ZNF385D: variants seen among roughly 807,000 people sequenced by gnomAD.
ZNF385D encodes zinc finger protein 385D.
In ZNF385D, 15 loss-of-function variants were observed where a neutral mutation model predicts 35.8. That is an observed-to-expected ratio of 0.42 (90% CI 0.28 to 0.64). ZNF385D has a LOEUF of 0.64. Ranked by LOEUF, ZNF385D falls within the 30% of genes least tolerant of loss-of-function variation. The pLI, the probability that ZNF385D is intolerant of heterozygous loss-of-function variation, is 0.23. For synonymous variants in ZNF385D, 212 were observed against 186.8 expected, an observed-to-expected ratio of 1.13 and a Z score of -1.10; for missense variants, 474 against 494.6, an observed-to-expected ratio of 0.96 and a Z score of 0.39.
chr3:21,766,499 C>A (rs1479031512), intron 3 of ZNF385D, among the ~76,000 whole-genome samples: 1 of 152,046 alleles, frequency 6.6e-6, no homozygotes, highest in Non-Finnish European at 1.5e-5. Flanking sequence ...TACGATCATG[C>A]CATAGCAATG....
At position 21,857,082 on chromosome 3, in the gene ZNF385D, C is replaced by T. The variant is rs146455885; in HGVS notation, c.326-192054G>A. 7.5e-3 allele frequency among the ~76,000 whole-genome samples: 1,133 copies of T among 152,046 alleles called. 14 individuals carry two copies. The highest frequency in any genetic ancestry group is 0.026 in the African/African-American group (1,059 of 41,480). ...CTTTCTCATTTAGGCCTTTCCTCACCGCAGTATTTAAAACTGTAGTAACCT... is the reference window on the plus strand; with the variant it reads ...CTTTCTCATTTAGGCCTTTCCTCACTGCAGTATTTAAAACTGTAGTAACCT... On this transcript the variant is annotated intron_variant, in intron 3 of 5. Transcript: ENST00000494108.
intron 3 of ZNF385D, among the ~76,000 whole-genome samples, chr3:21,968,290 G>C (rs1340513080): frequency 6.6e-6 from 1 of 152,152 alleles, no homozygotes; most frequent in East Asian, 1.9e-4. Context: ...TCCACCATGG[G>C]CTAAAGGGCT....
chr3:22,312,406 A>G (rs1221051282), intron 2 of ZNF385D, among the ~76,000 whole-genome samples: 1 of 152,138 alleles, frequency 6.6e-6, no homozygotes, highest in East Asian at 1.9e-4. Flanking sequence ...TAGATATAAC[A>G]TTTTTAGTAC....
intron 2 of ZNF385D, among the ~76,000 whole-genome samples, chr3:22,187,846 T>A (rs752070551): frequency 4.6e-5 from 7 of 152,184 alleles, no homozygotes; most frequent in Non-Finnish European, 1.0e-4. Context: ...ACTGAGAGAC[T>A]ATCTTTCCCA....
intron 2 of ZNF385D, among the ~76,000 whole-genome samples, chr3:22,172,753 T>C (rs1694549678): frequency 6.6e-6 from 1 of 152,316 alleles, no homozygotes; most frequent in African/African-American, 2.4e-5. Context: ...AAAGTATAAA[T>C]TTCAATGAGT....
intron 2 of ZNF385D, among the ~76,000 whole-genome samples, chr3:22,329,077 A>C (rs1694813713): frequency 5.1e-5 from 2 of 39,028 alleles, no homozygotes; most frequent in African/African-American, 1.9e-4. Flanking sequence ...ACTCCGTCTC[A>C]AAAAAAAAAA....
Position 21,751,045 on chromosome 3 carries a change from C to G in ZNF385D, c.-129G>C. The G allele has an allele frequency of 1.3e-6, 2 of 1,557,218 alleles. No individual in the cohort carries two copies. The highest frequency in any genetic ancestry group is 1.7e-6 in the Non-Finnish European group (2 of 1,151,516). On this transcript the variant is annotated 5_prime_UTR_variant, in exon 1 of 8. Coordinates refer to ENST00000281523, the MANE Select transcript of ZNF385D (RefSeq NM_024697.3). ...CCCCGGCGTGGAGAGCAGTGAGCGC[C>G]GAGAGCGTGCCTCCTCCGCGGGATG... is the stretch of plus-strand genomic sequence containing the variant.
chr3:21,807,690 A>G (rs918313528), intron 3 of ZNF385D, among the ~76,000 whole-genome samples: 1 of 152,144 alleles, frequency 6.6e-6, no homozygotes, highest in Admixed American at 6.5e-5. Context: ...AATGTTTCTT[A>G]GAAACTTTGT....
At chr3:22,131,715 T>C (rs62248880) in intron 3 of ZNF385D, among the ~76,000 whole-genome samples, 29,391 of 152,088 alleles carry the variant, frequency 0.19, 3,149 homozygotes, top group Non-Finnish European at 0.25. Context: ...GCTAGGGAGA[T>C]ATCACAGAGG....
At chr3:21,444,698 T>C (rs1472143379) in intron 4 of ZNF385D, among the ~76,000 whole-genome samples, 2 of 152,194 alleles carry the variant, frequency 1.3e-5, no homozygotes, top group African/African-American at 4.8e-5. Context: ...AATTTCCCTA[T>C]TGATGCCAAA....
chr3:21,558,106 C>T (rs945838118), intron 3 of ZNF385D, among the ~76,000 whole-genome samples: 4 of 138,332 alleles, frequency 2.9e-5, no homozygotes, highest in African/African-American at 8.3e-5. Flanking sequence ...CTCCTGGATT[C>T]ATTGATTTTT....
chr3:21,677,088 G>A (rs868077391), intron 1 of ZNF385D, among the ~76,000 whole-genome samples: 20 of 152,102 alleles, frequency 1.3e-4, no homozygotes, highest in African/African-American at 3.4e-4. Context: ...GAAAGACATC[G>A]TAAAATAGTG....
chr3:21,805,886 G>A (rs908442788), intron 3 of ZNF385D, among the ~76,000 whole-genome samples: 1 of 152,128 alleles, frequency 6.6e-6, no homozygotes, highest in Non-Finnish European at 1.5e-5. Context: ...TTAGCACTTG[G>A]CCAAAATGAC....
upstream of ZNF385D, among the ~76,000 whole-genome samples, chr3:21,756,127 G>A (rs990938601): frequency 3.9e-5 from 6 of 152,160 alleles, no homozygotes; most frequent in Admixed American, 2.0e-4. Context: ...TGACTAAAGC[G>A]AGCAAGGACA....
At chr3:21,729,953 A>G (rs2068921784) in intron 1 of ZNF385D, among the ~76,000 whole-genome samples, 1 of 152,170 alleles carries the variant, frequency 6.6e-6, no homozygotes, top group African/African-American at 2.4e-5. Flanking sequence ...CCATTTATTC[A>G]TTCTTCCTTC....
intron 3 of ZNF385D, among the ~76,000 whole-genome samples, chr3:21,563,799 T>C (rs1424652998): frequency 6.6e-6 from 1 of 152,198 alleles, no homozygotes; most frequent in Non-Finnish European, 1.5e-5. Flanking sequence ...CTGTCTCTTC[T>C]GGAACTCTTA....
rs146056394 is a variant in ZNF385D at position 22,148,786 on chromosome 3, C to A, written c.325+20031G>T. Reference sequence around the variant, plus strand: ...AAGTTAGGTAATTAATGGAAAATGACCTTAAAACTTTAAGAATTTATGACT... The same window carrying A: ...AAGTTAGGTAATTAATGGAAAATGAACTTAAAACTTTAAGAATTTATGACT... On this transcript the variant is annotated intron_variant, in intron 3 of 5. Transcript: ENST00000494108. Among the ~76,000 whole-genome samples the A allele has an allele frequency of 5.5e-4, 83 of 152,180 alleles. 1 individual carries two copies. Among genetic ancestry groups the A allele is most frequent in the African/African-American group, 1.9e-3 (78 of 41,530 alleles).
At chr3:21,989,038 C>T (rs988308235) in intron 3 of ZNF385D, among the ~76,000 whole-genome samples, 3 of 152,082 alleles carry the variant, frequency 2.0e-5, no homozygotes, top group Non-Finnish European at 2.9e-5. Context: ...CACCCACTGG[C>T]CTGTGCCCAC....
intron 7 of ZNF385D, among the ~76,000 whole-genome samples, chr3:21,423,153 A>C (rs1700823859): frequency 6.6e-6 from 1 of 152,024 alleles, no homozygotes; most frequent in African/African-American, 2.4e-5. Flanking sequence ...AGGATACAAA[A>C]TTAAAATAAC....
Sources: allele counts gnomAD v4.1 joint callset (sites outside exome capture counted in the v4.1 genomes callset), GRCh38; gene constraint gnomAD v4.1.1; transcripts MANE v1.5; gene names NCBI Gene and HGNC (gene_info 2026-07-23, HGNC 2026-07-21).